The following ANKS1B variants were observed in gnomAD, a reference collection of about 807,000 sequenced individuals.
ANKS1B encodes the protein ankyrin repeat and sterile alpha motif domain containing 1B.
ANKS1B carries 36 observed loss-of-function variants against 148.3 expected under a neutral mutation model. The observed-to-expected ratio is 0.24, with a 90% confidence interval of 0.19 to 0.32. The LOEUF (loss-of-function observed/expected upper bound fraction) is 0.32, where lower values mean the gene tolerates loss of function less well. Ranked by LOEUF, ANKS1B falls within the 10% of genes least tolerant of loss-of-function variation. The pLI is 1.00. For synonymous variants in ANKS1B, 542 were observed against 560.8 expected (o/e 0.97, Z 0.47); for missense variants, 1,157 against 1,542.6 (o/e 0.75, Z 4.19).
At chr12:99,981,878 T>A (rs1195605215) in intron 1 of ANKS1B, among the ~76,000 whole-genome samples, 1 of 152,128 alleles carries the variant, frequency 6.6e-6, no homozygotes, top group Non-Finnish European at 1.5e-5. Flanking sequence ...CATTAAGAAA[T>A]TTCAAAGTGT....
chr12:99,568,495 A>T (rs2097420287), intron 9 of ANKS1B, among the ~76,000 whole-genome samples: 1 of 152,200 alleles, frequency 6.6e-6, no homozygotes, highest in African/African-American at 2.4e-5. Context: ...CAGGGGTCTC[A>T]TTTTGGTTAT....
Position 98,760,701 on chromosome 12 carries a change from A to C in ANKS1B, c.3580-9179T>G, listed in dbSNP as rs73378494. Among the ~76,000 whole-genome samples the C allele has an allele frequency of 4.8e-3, 732 of 152,286 alleles. 8 individuals are homozygous for C. Among genetic ancestry groups the C allele is most frequent in the African/African-American group, 0.017 (705 of 41,564 alleles). ...CCAATTCTAACATCTTCTCAGTGAG[A>C]CTTTGAAGTATCAAGCTCTTCCTTT... On this transcript the variant is annotated intron_variant, in intron 25 of 26. Coordinates refer to ENST00000683438, the MANE Select transcript of ANKS1B (RefSeq NM_001352186.2).
chr12:99,964,536 G>T (rs1465351204), intron 1 of ANKS1B, among the ~76,000 whole-genome samples: 1 of 152,226 alleles, frequency 6.6e-6, no homozygotes, highest in Non-Finnish European at 1.5e-5. Context: ...TGTCCATATT[G>T]GGGCAGGCCT....
rs549419874 is a variant in ANKS1B, at chr12:98,993,014, C to A, written c.2778+60143G>T. Among the ~76,000 whole-genome samples the A allele has an allele frequency of 1.2e-4, 19 of 152,182 alleles. No individual in the cohort carries two copies. The South Asian group carries it at 3.3e-3, about 27-fold the overall frequency. On this transcript the variant is annotated intron_variant, in intron 17 of 26. Coordinates refer to ENST00000683438, the MANE Select transcript of ANKS1B (RefSeq NM_001352186.2). ...CTTTGACTTGTTTTGAAGCCTTGGG[C>A]CTACTTATTTGTATATAAGAGAATA...
intron 1 of ANKS1B, among the ~76,000 whole-genome samples, chr12:99,928,860 G>C (rs2094541680): frequency 1.3e-5 from 2 of 152,132 alleles, no homozygotes; most frequent in Admixed American, 1.3e-4. Context: ...AAGGGAATCA[G>C]ATAATCCTAG....
At chr12:99,538,391 C>T (rs1217992179) in intron 9 of ANKS1B, among the ~76,000 whole-genome samples, 1 of 152,142 alleles carries the variant, frequency 6.6e-6, no homozygotes, top group African/African-American at 2.4e-5. Flanking sequence ...AATCCATGAA[C>T]ACGGAATGTC....
intron 9 of ANKS1B, among the ~76,000 whole-genome samples, chr12:99,557,011 T>C (rs889872489): frequency 6.6e-6 from 1 of 152,216 alleles, no homozygotes; most frequent in Non-Finnish European, 1.5e-5. Context: ...TAGTTTTCTG[T>C]CTCAATGGTA....
chr12:99,371,559 T>C, intron 12 of ANKS1B, among the ~76,000 whole-genome samples: 1 of 151,478 alleles, frequency 6.6e-6, no homozygotes. Flanking sequence ...AGTATACACA[T>C]GTGCACACAC....
chr12:98,735,648 A>G (rs1450818621), intron 9 of ANKS1B: 1 of 761,952 alleles, frequency 1.3e-6, no homozygotes, highest in Admixed American at 1.7e-5. Context: ...TAAAAAAGAG[A>G]ATTCATTTAT....
intron 17 of ANKS1B, among the ~76,000 whole-genome samples, chr12:98,983,561 T>C (rs1414612032): frequency 6.6e-6 from 1 of 152,240 alleles, no homozygotes; most frequent in African/African-American, 2.4e-5. Context: ...GGGTCATCTA[T>C]AGAATTCTGC....
intron 17 of ANKS1B, among the ~76,000 whole-genome samples, chr12:98,853,188 C>T (rs771734562): frequency 2.6e-5 from 4 of 152,068 alleles, no homozygotes; most frequent in Admixed American, 6.6e-5. Flanking sequence ...TATGAAAACC[C>T]GGGTTTGAGG....
chr12:99,520,467 T>C (rs1414158627), intron 9 of ANKS1B, among the ~76,000 whole-genome samples: 3 of 152,220 alleles, frequency 2.0e-5, no homozygotes, highest in African/African-American at 7.2e-5. Context: ...TATTTGTTAT[T>C]TGTTTCTTTT....
chr12:99,773,034 T>C lies in ANKS1B; in HGVS notation c.1016A>G (p.Gln339Arg), dbSNP rs2063339947. 6.2e-7 allele frequency: 1 copy of C among 1,611,416 alleles called. No individual in the cohort carries two copies. ...GTCTTCAAACGAATAATCCTTTTCT[T>C]GACAGAGTTTTATTTCATCCAAGAG... Reference protein sequence around the residue: ...SKLLDEIKLCQEKDYSFEDLC... With the variant: ...SKLLDEIKLCREKDYSFEDLC... The change falls in exon 8 of 27, where the codon CAA becomes CGA. Residue 339 changes from glutamine (Q) to arginine (R), a missense_variant. This residue lies in a region of ANKS1B where 661 missense variants were observed against 642.1 expected (regional missense o/e 1.03). Coordinates refer to ENST00000683438, the MANE Select transcript of ANKS1B (RefSeq NM_001352186.2).
At chr12:99,521,823 T>A (rs1421743261) in intron 9 of ANKS1B, among the ~76,000 whole-genome samples, 1 of 152,174 alleles carries the variant, frequency 6.6e-6, no homozygotes, top group Non-Finnish European at 1.5e-5. Flanking sequence ...CTGTGCTCTG[T>A]CAGACTTGAA....
Position 98,796,315 on chromosome 12 carries a change from T to C in ANKS1B, c.3342+2619A>G, listed in dbSNP as rs980164336. On this transcript the variant is annotated intron_variant, in intron 22 of 26. Coordinates refer to ENST00000683438, the MANE Select transcript of ANKS1B (RefSeq NM_001352186.2). ...TTTTTCAATTAAAAGAATAAACAGG[T>C]AACTCTTAATCTACAATACTTTGGC... Among the ~76,000 whole-genome samples the C allele has an allele frequency of 3.3e-5, 5 of 152,176 alleles. No homozygotes were observed. The South Asian group carries it at 8.3e-4, about 25-fold the overall frequency.
intron 4 of ANKS1B, among the ~76,000 whole-genome samples, chr12:99,796,224 A>C (rs2066236731): frequency 6.6e-6 from 1 of 152,028 alleles, no homozygotes; most frequent in African/African-American, 2.4e-5. Flanking sequence ...GGGATGATTC[A>C]TGTCCCAGGC....
chr12:99,973,267 G>T (rs2153837348), intron 1 of ANKS1B, among the ~76,000 whole-genome samples: 1 of 152,330 alleles, frequency 6.6e-6, no homozygotes. Context: ...CATACCTAGT[G>T]GTAGCTATAG....
At chr12:99,009,982 G>C (rs889828693) in intron 17 of ANKS1B, among the ~76,000 whole-genome samples, 1 of 152,202 alleles carries the variant, frequency 6.6e-6, no homozygotes, top group African/African-American at 2.4e-5. Context: ...GGATAAAGAA[G>C]ATGTTGGAGG....
intron 8 of ANKS1B, among the ~76,000 whole-genome samples, chr12:99,713,880 A>G (rs2056956094): frequency 2.0e-5 from 3 of 152,118 alleles, no homozygotes. Flanking sequence ...ATTTTTAGGT[A>G]TTTGTTAGCG....
Sources: allele counts gnomAD v4.1 joint callset (sites outside exome capture counted in the v4.1 genomes callset), GRCh38; gene constraint gnomAD v4.1.1; regional missense constraint gnomAD v4.1.1; transcripts MANE v1.5; gene names NCBI Gene and HGNC (gene_info 2026-07-23, HGNC 2026-07-21).